Variants in UBE2E2 observed in about 807,000 individuals in gnomAD.
UBE2E2 encodes the protein ubiquitin conjugating enzyme E2 E2.
Under a neutral mutation model 24.7 loss-of-function variants are expected in UBE2E2, and 6 were observed. That is an observed-to-expected ratio of 0.24 (90% CI 0.13 to 0.48). The LOEUF (loss-of-function observed/expected upper bound fraction) is 0.48. UBE2E2 is among the 20% of genes least tolerant of loss of function. UBE2E2 has a pLI of 0.99. For missense variants in UBE2E2, 169 were observed against 245.0 expected (o/e 0.69, Z 2.07); for synonymous variants, 104 against 83.6 (o/e 1.24, Z -1.33).
chr3:23,302,545 C>G (rs956069191), intron 3 of UBE2E2, among the ~76,000 whole-genome samples: 30 of 152,228 alleles, frequency 2.0e-4, no homozygotes, highest in African/African-American at 7.0e-4. Context: ...ACTTCTGTTA[C>G]ATCTAATGAG....
intron 3 of UBE2E2, among the ~76,000 whole-genome samples, chr3:23,477,680 C>T (rs774897552): frequency 2.6e-5 from 4 of 152,086 alleles, no homozygotes; most frequent in African/African-American, 4.8e-5. Flanking sequence ...AGGATTTCTC[C>T]GTGTTACTGA....
intron 3 of UBE2E2, among the ~76,000 whole-genome samples, chr3:23,239,447 C>G (rs185985248): frequency 6.6e-4 from 101 of 152,252 alleles, no homozygotes; most frequent in Middle Eastern, 3.4e-3. Flanking sequence ...CCCCCTCCCC[C>G]CCAGCTTCTG....
chr3:23,403,322 T>C (rs1171398427), intron 3 of UBE2E2, among the ~76,000 whole-genome samples: 2 of 152,242 alleles, frequency 1.3e-5, no homozygotes, highest in Admixed American at 6.5e-5. Context: ...TCTCCATTAA[T>C]AGTCACTACC....
At chr3:23,504,970 G>A (rs1028546421) in intron 4 of UBE2E2, among the ~76,000 whole-genome samples, 4 of 143,446 alleles carry the variant, frequency 2.8e-5, no homozygotes, top group African/African-American at 1.1e-4. Flanking sequence ...GTGCAGTGAC[G>A]TGATCATGGC....
intron 3 of UBE2E2, 89 bp from the exon 4 acceptor site, chr3:23,499,518 AT>A (rs1699674182): frequency 2.0e-6 from 3 of 1,481,654 alleles, no homozygotes; most frequent in African/African-American, 2.8e-5. Flanking sequence ...TTTTTATGGA[AT>A]TGCTCAATTG....
intron 3 of UBE2E2, among the ~76,000 whole-genome samples, chr3:23,324,436 A>G (rs1033880399): frequency 6.6e-6 from 1 of 152,112 alleles, no homozygotes; most frequent in East Asian, 1.9e-4. Flanking sequence ...AGGAAGGTGT[A>G]ATTAGTGTCT....
intron 3 of UBE2E2, among the ~76,000 whole-genome samples, chr3:23,310,724 A>G (rs886246260): frequency 2.6e-5 from 4 of 152,168 alleles, no homozygotes; most frequent in African/African-American, 9.7e-5. Context: ...CTGTCTCTAT[A>G]AAAGTACGTA....
At chr3:23,379,231 T>C (rs1696599254) in intron 3 of UBE2E2, among the ~76,000 whole-genome samples, 2 of 125,042 alleles carry the variant, frequency 1.6e-5, no homozygotes, top group South Asian at 4.8e-4. Flanking sequence ...TATGTATTTA[T>C]TTATTTTTTT....
chr3:23,353,662 A>C (rs1341465632), intron 3 of UBE2E2, among the ~76,000 whole-genome samples: 2 of 152,106 alleles, frequency 1.3e-5, no homozygotes, highest in African/African-American at 4.8e-5. Flanking sequence ...TAAAATACCT[A>C]GGAATCCAAC....
intron 4 of UBE2E2, among the ~76,000 whole-genome samples, chr3:23,522,132 T>TA (rs1694881031): frequency 2.2e-5 from 2 of 91,030 alleles, no homozygotes; most frequent in African/African-American, 1.7e-4. Flanking sequence ...CAGCTAATTT[T>TA]TTTTTTTTTT....
chr3:23,269,463 A>G (rs1012014780), intron 3 of UBE2E2, among the ~76,000 whole-genome samples: 1 of 152,192 alleles, frequency 6.6e-6, no homozygotes, highest in Non-Finnish European at 1.5e-5. Flanking sequence ...AGAAATGTAG[A>G]GGGCACTCAG....
intron 3 of UBE2E2, among the ~76,000 whole-genome samples, chr3:23,429,159 A>G (rs1276558121): frequency 6.6e-6 from 1 of 152,120 alleles, no homozygotes; most frequent in Admixed American, 6.5e-5. Flanking sequence ...TAACTTTCCA[A>G]AACGGAAAGC....
At chr3:23,270,748 C>G (rs1258502639) in intron 3 of UBE2E2, among the ~76,000 whole-genome samples, 3 of 152,200 alleles carry the variant, frequency 2.0e-5, no homozygotes, top group East Asian at 1.9e-4. Flanking sequence ...AGTGCTCTGT[C>G]AGGTCTGATT....
intron 3 of UBE2E2, among the ~76,000 whole-genome samples, chr3:23,405,077 A>C (rs1697322070): frequency 6.6e-6 from 1 of 152,182 alleles, no homozygotes; most frequent in Admixed American, 6.5e-5. Context: ...GTAATCAGTG[A>C]ATTTTTGAAA....
intron 3 of UBE2E2, among the ~76,000 whole-genome samples, chr3:23,465,758 A>G (rs1158741834): frequency 6.6e-6 from 1 of 152,192 alleles, no homozygotes; most frequent in Admixed American, 6.5e-5. Context: ...GTATCACCAC[A>G]TGTTTAAAGA....
At chr3:23,288,839 T>C (rs1698686972) in intron 3 of UBE2E2, among the ~76,000 whole-genome samples, 1 of 152,158 alleles carries the variant, frequency 6.6e-6, no homozygotes, top group Admixed American at 6.5e-5. Context: ...AAATGTGATG[T>C]ATGAATAGGA....
At chr3:23,491,423 G>A (rs79855034) in intron 3 of UBE2E2, among the ~76,000 whole-genome samples, 133 of 152,278 alleles carry the variant, frequency 8.7e-4, no homozygotes, top group African/African-American at 2.9e-3. Context: ...TGCACAGAAT[G>A]TTACCACTTC....
chr3:23,479,547 G>T (rs920423724), intron 3 of UBE2E2, among the ~76,000 whole-genome samples: 4 of 152,116 alleles, frequency 2.6e-5, no homozygotes, highest in Non-Finnish European at 5.9e-5. Flanking sequence ...GGGGTAGGGG[G>T]GGTATGTTTC....
intron 3 of UBE2E2, chr3:23,271,016 A>T (rs1250116703): frequency 4.4e-6 from 2 of 456,750 alleles, no homozygotes; most frequent in Admixed American, 2.3e-5. Flanking sequence ...AGCAGACTTC[A>T]TCTTACTTCT....
Sources: allele counts gnomAD v4.1 joint callset (sites outside exome capture counted in the v4.1 genomes callset), GRCh38; gene constraint gnomAD v4.1.1; transcripts MANE v1.5; gene names NCBI Gene and HGNC (gene_info 2026-07-23, HGNC 2026-07-21).